COL4A6: variants seen among roughly 807,000 people sequenced by gnomAD.
COL4A6 encodes collagen alpha-6(IV) chain.
COL4A6 carries 59 observed loss-of-function variants against 126.7 expected under a neutral mutation model. The ratio of observed to expected loss-of-function variants is 0.47; its 90% CI spans 0.38 to 0.58. COL4A6 has a LOEUF of 0.58. COL4A6 is among the 20% of genes least tolerant of loss of function. The probability of loss-of-function intolerance (pLI) is 0.00; values close to 1 mark genes in which losing one functional copy is unlikely to be tolerated. For missense variants in COL4A6, 1,285 were observed against 1,337.3 expected, an observed-to-expected ratio of 0.96 and a Z score of 0.61; for synonymous variants, 547 against 496.6, an observed-to-expected ratio of 1.10 and a Z score of -1.35.
chrX:108,187,803 G>A (rs772643483), intron 22 of COL4A6, 45 bp downstream of exon 22: 1 of 1,119,432 alleles, frequency 8.9e-7, no homozygotes, highest in African/African-American at 1.8e-5. Context: ...ACAAAGTCAG[G>A]TGTGAAGATC....
Position 108,281,899 on chromosome X carries a change from G to C in COL4A6, c.144+28849C>G, listed in dbSNP as rs766660721. ...TGAGAAAAAGAAGCAATGGGGAAAG[G>C]ATTCCCTATTTAATAAATGGTACTG... On this transcript the variant is annotated intron_variant, in intron 3 of 44. Transcript: ENST00000334504. Among the ~76,000 whole-genome samples, 193 of 110,541 alleles carry C rather than the reference G, an allele frequency of 1.7e-3. 3 individuals are homozygous for C. The highest frequency in any genetic ancestry group is 1.9e-3 in the Non-Finnish European group (102 of 52,702).
chrX:108,319,399 G>C (rs2038967201), intron 2 of COL4A6, among the ~76,000 whole-genome samples: 1 of 111,744 alleles, frequency 8.9e-6, no homozygotes, highest in African/African-American at 3.3e-5. Context: ...TACCAAGGGA[G>C]TGGAGGTAGA....
chrX:108,365,101 C>G (rs2055385063), intron 2 of COL4A6, among the ~76,000 whole-genome samples: 1 of 111,843 alleles, frequency 8.9e-6, no homozygotes, highest in Non-Finnish European at 1.9e-5. Flanking sequence ...GGTTCGTACT[C>G]AACTTCCAAA....
intron 23 of COL4A6, among the ~76,000 whole-genome samples, chrX:108,184,348 TATG>T (rs1384035246): frequency 2.7e-5 from 3 of 112,488 alleles, no homozygotes; most frequent in African/African-American, 9.7e-5. Context: ...ATGGTTTGAA[TATG>T]ATTTGTCTCC....
At chrX:108,269,589 G>A (rs905398592) in intron 3 of COL4A6, among the ~76,000 whole-genome samples, 1 of 111,440 alleles carries the variant, frequency 9.0e-6, no homozygotes, top group African/African-American at 3.3e-5. Context: ...AGTCAGGGAA[G>A]GGCTAACAGA....
chrX:108,260,238 C>A (rs752155841), intron 3 of COL4A6, among the ~76,000 whole-genome samples: 1 of 111,247 alleles, frequency 9.0e-6, no homozygotes, highest in South Asian at 3.8e-4. Context: ...CAATGAGTTG[C>A]ATAATGAGGA....
intron 2 of COL4A6, among the ~76,000 whole-genome samples, chrX:108,379,667 A>G (rs866102197): frequency 2.7e-5 from 3 of 109,439 alleles, no homozygotes; most frequent in East Asian, 2.8e-4. Context: ...CTTTATTTAT[A>G]TCAAAAAATC....
intron 2 of COL4A6, among the ~76,000 whole-genome samples, chrX:108,400,986 T>C (rs1425094179): frequency 1.8e-5 from 2 of 111,765 alleles, no homozygotes; most frequent in Admixed American, 9.5e-5. Flanking sequence ...TTTCTCTATG[T>C]TCTCTTGTAG....
chrX:108,408,981 A>G (rs948269548), intron 2 of COL4A6, among the ~76,000 whole-genome samples: 2 of 112,084 alleles, frequency 1.8e-5, no homozygotes, highest in Non-Finnish European at 3.8e-5. Flanking sequence ...AATAAATAAA[A>G]TATTACTTTC....
At chrX:108,383,417 C>A in intron 2 of COL4A6, 1 of 495,086 alleles carries the variant, frequency 2.0e-6, no homozygotes, top group Admixed American at 2.4e-5. Flanking sequence ...ATCCTCAACC[C>A]TGATGGCTTC....
chrX:108,191,310 G>A, intron 19 of COL4A6, 83 bp downstream of exon 19: 2 of 1,089,555 alleles, frequency 1.8e-6, no homozygotes, highest in Non-Finnish European at 2.5e-6. Context: ...TCACCTGTGA[G>A]ATGCCCCCTC....
intron 4 of COL4A6, 89 bp from the exon 5 acceptor site, chrX:108,219,831 A>G: frequency 1.3e-6 from 1 of 784,693 alleles, no homozygotes; most frequent in Admixed American, 2.4e-5. Context: ...AATGGCCTAC[A>G]TTTTTAAGAA....
chrX:108,414,387 T>C (rs73533274), intron 2 of COL4A6, among the ~76,000 whole-genome samples: 8,087 of 110,950 alleles, frequency 0.073, 665 homozygotes, highest in African/African-American at 0.23. Flanking sequence ...CCAATATGGT[T>C]GTATTTCACC....
chrX:108,315,274 T>G (rs767885259), intron 2 of COL4A6, among the ~76,000 whole-genome samples: 2 of 111,691 alleles, frequency 1.8e-5, no homozygotes, highest in African/African-American at 6.5e-5. Context: ...GGAGTATCAC[T>G]CTGTCACCCA....
chrX:108,291,203 C>G (rs1252487609), intron 3 of COL4A6, among the ~76,000 whole-genome samples: 2 of 111,954 alleles, frequency 1.8e-5, no homozygotes, highest in African/African-American at 6.5e-5. Context: ...TTTACTGATA[C>G]TTTCTCAGTC....
chrX:108,403,184 T>C (rs938882145), intron 2 of COL4A6, among the ~76,000 whole-genome samples: 12 of 109,223 alleles, frequency 1.1e-4, no homozygotes, highest in African/African-American at 4.0e-4. Flanking sequence ...AAGATCTTTT[T>C]CTTGATGGTG....
chrX:108,346,508 C>A (rs948103822), intron 2 of COL4A6, among the ~76,000 whole-genome samples: 1 of 111,974 alleles, frequency 8.9e-6, no homozygotes, highest in Non-Finnish European at 1.9e-5. Context: ...TAATGTGCTA[C>A]ACGAAAAATA....
chrX:108,383,845 A>G, intron 2 of COL4A6: 1 of 492,177 alleles, frequency 2.0e-6, no homozygotes, highest in Admixed American at 3.1e-5. Flanking sequence ...ACCAGATGCA[A>G]GTCACATGCA....
Position 108,221,255 on chromosome X carries a change from T to C in COL4A6, c.264A>G (p.Gly88=). The C allele has an allele frequency of 8.3e-7, 1 of 1,211,162 alleles. No individual in the cohort carries two copies. Among genetic ancestry groups the C allele is most frequent in the South Asian group, 1.8e-5 (1 of 56,986 alleles). ...CTGGTCTTACCTTATCTCCTTTTGG[T>C]CCATAAGGTCCCAGAAGGCCTGGGA... ...RGFPGLLGPY[G]PKGDKGPMGV... The change falls in exon 4 of 45, where the codon GGA becomes GGG. Residue 88 remains glycine, a synonymous_variant. Transcript: ENST00000334504.
Sources: gnomAD v4.1 joint callset for allele counts (sites outside exome capture counted in the v4.1 genomes callset) on GRCh38, gnomAD v4.1.1 for gene constraint, MANE v1.5 for transcripts, NCBI Gene and HGNC (gene_info 2026-07-23, HGNC 2026-07-21) for gene names.